HEATR5B: variants seen among roughly 807,000 people sequenced by gnomAD.
The protein encoded by HEATR5B is HEAT repeat containing 5B.
In HEATR5B, 156 loss-of-function variants were observed where a neutral mutation model predicts 224.1. The ratio of observed to expected loss-of-function variants is 0.70; its 90% CI spans 0.61 to 0.80. The LOEUF (loss-of-function observed/expected upper bound fraction) is 0.80. Ranked by LOEUF, HEATR5B falls within the 30% of genes least tolerant of loss-of-function variation. The probability of loss-of-function intolerance (pLI) is 0.00; values close to 1 mark genes in which losing one functional copy is unlikely to be tolerated. For synonymous variants in HEATR5B, 1,027 were observed against 893.0 expected, an observed-to-expected ratio of 1.15 and a Z score of -2.68; for missense variants, 2,323 against 2,535.5, an observed-to-expected ratio of 0.92 and a Z score of 1.80.
At chr2:37,083,889 G>A (rs1008974289) in intron 1 of HEATR5B, among the ~76,000 whole-genome samples, 4 of 152,206 alleles carry the variant, frequency 2.6e-5, no homozygotes, top group African/African-American at 4.8e-5. Flanking sequence ...AAAACACCCA[G>A]CACAGACATC....
At chr2:36,990,871 A>T in intron 33 of HEATR5B, 72 bp from the exon 34 acceptor site, 5 of 1,301,286 alleles carry the variant, frequency 3.8e-6, no homozygotes, top group Admixed American at 2.4e-5. Flanking sequence ...ATTTTTGTAG[A>T]GAGAGACGTT....
chr2:37,077,976 T>G (rs1672337490), intron 3 of HEATR5B, among the ~76,000 whole-genome samples: 1 of 152,174 alleles, frequency 6.6e-6, no homozygotes, highest in African/African-American at 2.4e-5. Context: ...CAGTGTCACT[T>G]AGGTCAATAG....
In HEATR5B at chr2:37,020,808, G is replaced by T. The variant is rs140728020; in HGVS notation, c.3882C>A (p.Asp1294Glu). 6.4e-7 allele frequency: 1 copy of T among 1,574,288 alleles called. No homozygotes were observed. The highest frequency in any genetic ancestry group is 1.4e-5 in the African/African-American group (1 of 72,500). Residue 1294 changes from aspartate to glutamate, a missense_variant, in exon 25 of 36, where the codon GAC becomes GAA. By Grantham distance (45) the Asp-to-Glu change is conservative. This residue lies in a region of HEATR5B where 339 missense variants were observed against 378.4 expected (regional missense o/e 0.90). Transcript: ENST00000233099. ...CAGCCATGAATGCCATGCGAATGAG[G>T]TCAGAGAGATGAAGTACCAAGAGGT... ...TNDLLVLHLS[D>E]LIRMAFMAAT...
At chr2:37,037,584 G>C (rs1445329595) in intron 21 of HEATR5B, among the ~76,000 whole-genome samples, 2 of 152,092 alleles carry the variant, frequency 1.3e-5, no homozygotes, top group East Asian at 3.9e-4. Flanking sequence ...TCTAGTATTT[G>C]ATAACATAAA....
intron 29 of HEATR5B, among the ~76,000 whole-genome samples, chr2:37,006,016 A>G (rs1435150394): frequency 6.6e-6 from 1 of 152,340 alleles, no homozygotes; most frequent in Middle Eastern, 3.4e-3. Context: ...GATTATGAAG[A>G]TATTAAGTTT....
At chr2:37,022,190 T>G (rs1668506727) in intron 24 of HEATR5B, among the ~76,000 whole-genome samples, 1 of 152,086 alleles carries the variant, frequency 6.6e-6, no homozygotes, top group African/African-American at 2.4e-5. Context: ...ATCATTTTTT[T>G]TTTTGAGATG....
chr2:37,041,283 C>A lies in HEATR5B; in HGVS notation c.2706G>T (p.Ser902=). ...CAGTCCTAGATACAACATCTCGAGCCGATTTCAACCTGAAAAAAAGATTAT... is the reference window on the plus strand; with the variant it reads ...CAGTCCTAGATACAACATCTCGAGCAGATTTCAACCTGAAAAAAAGATTAT... The part of the protein sequence containing the change: ...MAQYSFDKLK[S]ARDVVSRTGH... The change falls in exon 19 of 36, where the codon TCG becomes TCT. Residue 902 remains serine, a synonymous_variant. Transcript: ENST00000233099. The A allele has an allele frequency of 6.2e-6, 10 of 1,613,054 alleles. No homozygotes were observed. Among genetic ancestry groups the A allele is most frequent in the Non-Finnish European group, 8.5e-6 (10 of 1,179,562 alleles).
intron 8 of HEATR5B, among the ~76,000 whole-genome samples, chr2:37,066,486 A>G (rs1260460328): frequency 6.6e-6 from 1 of 152,248 alleles, no homozygotes; most frequent in African/African-American, 2.4e-5. Context: ...ATTACTGACC[A>G]GAAAATGAAT....
chr2:36,987,742 T>C (rs911404413), intron 35 of HEATR5B, among the ~76,000 whole-genome samples: 1 of 152,130 alleles, frequency 6.6e-6, no homozygotes, highest in Non-Finnish European at 1.5e-5. Flanking sequence ...AAAGCTTTTA[T>C]ACCTCTATTA....
At chr2:37,025,900 T>C (rs1207101848) in intron 24 of HEATR5B, among the ~76,000 whole-genome samples, 1 of 152,188 alleles carries the variant, frequency 6.6e-6, no homozygotes, top group African/African-American at 2.4e-5. Context: ...TCATGTTGAA[T>C]CCCTCTGCTT....
In HEATR5B at chr2:37,013,979, G is replaced by A; in HGVS notation, c.4146C>T (p.Leu1382=). The A allele has an allele frequency of 6.2e-7, 1 of 1,608,782 alleles. No homozygotes were observed. The highest frequency in any genetic ancestry group is 8.5e-7 in the Non-Finnish European group (1 of 1,177,196). The change falls in exon 27 of 36, where the codon CTC becomes CTT. Residue 1382 remains leucine (L), a synonymous_variant. Transcript: ENST00000233099. ...GATTGTGTACTCGACGGAGATCATT[G>A]AGATCACTGACAACTCCACTTCCTA... ...TWIGSGVVSD[L]NDLRRVHNLL...
chr2:37,061,911 C>T (rs1179235173), intron 11 of HEATR5B, 28 bp downstream of exon 11: 1 of 1,404,362 alleles, frequency 7.1e-7, no homozygotes, highest in Non-Finnish European at 1.0e-6. Context: ...TATAGCGTGA[C>T]AAAAATCCTA....
rs1553318661 is a variant in HEATR5B, at chr2:37,053,620, G to C, written c.2400-13C>G. 6.6e-7 allele frequency: 1 copy of C among 1,516,172 alleles called. No individual in the cohort carries two copies. Among genetic ancestry groups the C allele is most frequent in the Non-Finnish European group, 9.0e-7 (1 of 1,109,452 alleles). 93.9% of individuals were successfully genotyped at this position (1,516,172 alleles called of 1,614,324 possible). On this transcript the variant is annotated splice_polypyrimidine_tract_variant and intron_variant, in intron 16 of 35. Coordinates refer to ENST00000233099, the MANE Select transcript of HEATR5B (RefSeq NM_019024.3). ...CAACATTTGTAATCTATAACAATAAGAAAAAAAAATCACATTAGTGACAAA... is the reference window on the plus strand; with the variant it reads ...CAACATTTGTAATCTATAACAATAACAAAAAAAAATCACATTAGTGACAAA...
intron 26 of HEATR5B, 127 bp downstream of exon 26, chr2:37,019,682 C>A (rs923323099): frequency 4.8e-6 from 3 of 625,154 alleles, no homozygotes; most frequent in East Asian, 5.6e-5. Context: ...ATCTCAAACT[C>A]CTGAATTCAA....
intron 26 of HEATR5B, among the ~76,000 whole-genome samples, chr2:37,016,878 C>G: frequency 6.6e-6 from 1 of 152,014 alleles, no homozygotes; most frequent in East Asian, 1.9e-4. Context: ...TAAGGAGATA[C>G]TGATGGCAAA....
intron 33 of HEATR5B, among the ~76,000 whole-genome samples, chr2:36,998,804 T>C (rs2148362757): frequency 6.6e-6 from 1 of 152,200 alleles, no homozygotes; most frequent in Admixed American, 6.6e-5. Flanking sequence ...GAAATATATA[T>C]TGCTCATAGT....
In HEATR5B at chr2:37,037,994, G is replaced by C. The variant is rs1286998165; in HGVS notation, c.3077C>G (p.Ser1026Cys). 6.3e-7 allele frequency: 1 copy of C among 1,575,298 alleles called. No homozygotes were observed. Among genetic ancestry groups the C allele is most frequent in the East Asian group, 2.3e-5 (1 of 43,830 alleles). ...TATTGCACAACCCACCAAACAAGAG[G>C]AACGAATTGTAGAAGTTGTTGCTCC... is the stretch of plus-strand genomic sequence containing the variant. Reference protein sequence around the residue: ...GNGATTSTIRSSCLVGCAITQ... With the variant: ...GNGATTSTIRCSCLVGCAITQ... Residue 1026 changes from serine to cysteine, a missense_variant, in exon 21 of 36, where the codon TCC (serine) becomes TGC (cysteine). Physicochemically the swap from Ser to Cys is moderately radical, Grantham distance 112 (BLOSUM62 -1). Transcript: ENST00000233099.
intron 21 of HEATR5B, 38 bp downstream of exon 21, chr2:37,037,816 CA>C: frequency 7.3e-7 from 1 of 1,368,540 alleles, no homozygotes; most frequent in Admixed American, 2.7e-5. Context: ...AAATAAAATA[CA>C]ACTTAAAAAT....
At chr2:37,011,250 G>A (rs1558728264) in intron 27 of HEATR5B, among the ~76,000 whole-genome samples, 1 of 152,124 alleles carries the variant, frequency 6.6e-6, no homozygotes, top group Non-Finnish European at 1.5e-5. Context: ...AGGCAGAGAT[G>A]GAAAGGGAGC....
Sources: allele counts gnomAD v4.1 joint callset (sites outside exome capture counted in the v4.1 genomes callset), GRCh38; gene constraint gnomAD v4.1.1; regional missense constraint gnomAD v4.1.1; transcripts MANE v1.5; gene names NCBI Gene and HGNC (gene_info 2026-07-23, HGNC 2026-07-21).